The following PTPN12 variants were observed in gnomAD, a reference collection of about 807,000 sequenced individuals.
PTPN12 encodes the protein tyrosine-protein phosphatase non-receptor type 12.
Under a neutral mutation model 97.6 loss-of-function variants are expected in PTPN12, and 29 were observed. The ratio of observed to expected loss-of-function variants is 0.30; its 90% confidence interval spans 0.22 to 0.41. PTPN12 has a LOEUF of 0.41. Among genes scored for constraint, PTPN12 ranks in the 10% least tolerant of loss-of-function variants. The pLI, the probability that PTPN12 is intolerant of heterozygous loss-of-function variation, is 1.00. For missense variants in PTPN12, 819 were observed against 926.0 expected (o/e 0.88, Z 1.50); for synonymous variants, 327 against 300.4 (o/e 1.09, Z -0.91).
intron 5 of PTPN12, among the ~76,000 whole-genome samples, chr7:77,587,944 C>G (rs1222030460): frequency 1.3e-5 from 2 of 152,194 alleles, no homozygotes; most frequent in Non-Finnish European, 2.9e-5. Context: ...CTTCCTCACA[C>G]TTTATAGAAA....
At chr7:77,555,753 A>G (rs1807680670) in intron 1 of PTPN12, among the ~76,000 whole-genome samples, 1 of 151,986 alleles carries the variant, frequency 6.6e-6, no homozygotes, top group Admixed American at 6.5e-5. Flanking sequence ...TCTCTACTAA[A>G]AATACAAAAA....
At chr7:77,539,123 C>G (rs1303965239) in intron 1 of PTPN12, among the ~76,000 whole-genome samples, 1 of 152,014 alleles carries the variant, frequency 6.6e-6, no homozygotes, top group Non-Finnish European at 1.5e-5. Flanking sequence ...GTAGTGAATA[C>G]TTTTTCACGT....
intron 7 of PTPN12, among the ~76,000 whole-genome samples, chr7:77,599,317 CTT>C (rs10624183): frequency 4.8e-5 from 6 of 123,850 alleles, no homozygotes; most frequent in Non-Finnish European, 6.6e-5. Context: ...AGCGCCCCGA[CTT>C]TTTTTTTTTT....
intron 1 of PTPN12, among the ~76,000 whole-genome samples, chr7:77,568,261 A>T (rs1808337835): frequency 1.3e-5 from 2 of 152,248 alleles, no homozygotes; most frequent in South Asian, 4.1e-4. Flanking sequence ...AAGGTTCATT[A>T]TGAGAAATGT....
intron 11 of PTPN12, among the ~76,000 whole-genome samples, chr7:77,616,354 T>A (rs1788750777): frequency 1.3e-5 from 2 of 152,224 alleles, no homozygotes; most frequent in Non-Finnish European, 2.9e-5. Context: ...GTATTACCCT[T>A]CTACTTTTTT....
chr7:77,540,060 G>A (rs1417385950), intron 1 of PTPN12, among the ~76,000 whole-genome samples: 9 of 152,044 alleles, frequency 5.9e-5, no homozygotes. Flanking sequence ...TTGCATGCTA[G>A]TCACCTTGTT....
intron 2 of PTPN12, 93 bp downstream of exon 2, chr7:77,571,279 A>ATTACTACTTCCTTAACAGT: frequency 1.4e-6 from 1 of 711,510 alleles, no homozygotes; most frequent in Non-Finnish European, 2.3e-6. Context: ...TTCACTGTTA[A>ATTACTACTTCCTTAACAGT]GGAAGTAGTA....
chr7:77,622,529 G>A (rs2151388540), intron 12 of PTPN12, among the ~76,000 whole-genome samples: 1 of 152,252 alleles, frequency 6.6e-6, no homozygotes, highest in East Asian at 1.9e-4. Flanking sequence ...CAGCACTTTG[G>A]GAGGCTGAGG....
intron 5 of PTPN12, among the ~76,000 whole-genome samples, chr7:77,590,403 ACT>A (rs1322152061): frequency 6.6e-6 from 1 of 152,124 alleles, no homozygotes; most frequent in Admixed American, 6.6e-5. Context: ...TGTTTTTTAA[ACT>A]CTCAAAAATA....
intron 6 of PTPN12, among the ~76,000 whole-genome samples, chr7:77,596,040 A>T (rs1432090605): frequency 6.6e-6 from 1 of 152,172 alleles, no homozygotes; most frequent in Non-Finnish European, 1.5e-5. Context: ...GTGTTATGGA[A>T]AGGTAAAATG....
intron 14 of PTPN12, 77 bp from the exon 15 acceptor site, chr7:77,635,705 G>GT: frequency 2.3e-6 from 2 of 872,622 alleles, no homozygotes; most frequent in East Asian, 3.2e-5. Context: ...TTTAGGATCT[G>GT]TTTTTTGTAT....
chr7:77,543,217 A>T (rs1275570992), intron 1 of PTPN12, among the ~76,000 whole-genome samples: 2 of 152,012 alleles, frequency 1.3e-5, no homozygotes, highest in Non-Finnish European at 2.9e-5. Flanking sequence ...GGGTTGGGGT[A>T]TGGGAAGAAG....
intron 1 of PTPN12, chr7:77,538,082 C>T: frequency 1.0e-6 from 1 of 992,138 alleles, no homozygotes; most frequent in Non-Finnish European, 1.2e-6. Context: ...CAGATCGTGG[C>T]TGACAGAGGA....
At chr7:77,549,922 C>G (rs1807406135) in intron 1 of PTPN12, among the ~76,000 whole-genome samples, 1 of 152,116 alleles carries the variant, frequency 6.6e-6, no homozygotes, top group Non-Finnish European at 1.5e-5. Flanking sequence ...GATTTACTCC[C>G]TGATCATATG....
At chr7:77,629,185 G>A (rs1446147890) in intron 13 of PTPN12, among the ~76,000 whole-genome samples, 2 of 152,086 alleles carry the variant, frequency 1.3e-5, no homozygotes, top group Non-Finnish European at 2.9e-5. Flanking sequence ...TCCTGACCTC[G>A]TGATCCGCCC....
intron 7 of PTPN12, among the ~76,000 whole-genome samples, chr7:77,598,405 G>T (rs1274034187): frequency 6.6e-6 from 1 of 152,114 alleles, no homozygotes; most frequent in Non-Finnish European, 1.5e-5. Context: ...TTGAGGCCAG[G>T]TATGGTGGCT....
chr7:77,571,046 TA>T, intron 1 of PTPN12, 31 bp from the exon 2 acceptor site: 1 of 1,430,178 alleles, frequency 7.0e-7, no homozygotes, highest in Non-Finnish European at 9.4e-7. Flanking sequence ...ACTGTTTCTC[TA>T]AACTTTAATT....
At chr7:77,557,618 C>T (rs1807781685) in intron 1 of PTPN12, among the ~76,000 whole-genome samples, 2 of 152,056 alleles carry the variant, frequency 1.3e-5, no homozygotes, top group African/African-American at 2.4e-5. Flanking sequence ...GATACATTCA[C>T]ACTGTGCAAT....
chr7:77,624,466 G>A (rs949225007), intron 12 of PTPN12, among the ~76,000 whole-genome samples: 4 of 152,000 alleles, frequency 2.6e-5, no homozygotes, highest in Admixed American at 1.3e-4. Flanking sequence ...TTGAGACAGA[G>A]TCTTGCTCTG....
Sources: allele counts gnomAD v4.1 joint callset (sites outside exome capture counted in the v4.1 genomes callset), GRCh38; gene constraint gnomAD v4.1.1; transcripts MANE v1.5; gene names NCBI Gene and HGNC (gene_info 2026-07-23, HGNC 2026-07-21).